NXPH1: variants seen among roughly 807,000 people sequenced by gnomAD.
NXPH1 encodes neurexophilin-1.
In NXPH1, 5 loss-of-function variants were observed where a neutral mutation model predicts 23.7. That is an observed-to-expected ratio of 0.21 (90% CI 0.11 to 0.44). The LOEUF is 0.44. Ranked by LOEUF, NXPH1 falls within the 20% of genes least tolerant of loss-of-function variation. The pLI, the probability that NXPH1 is intolerant of heterozygous loss-of-function variation, is 0.99. For synonymous variants in NXPH1, 144 were observed against 122.2 expected (o/e 1.18, Z -1.18); for missense variants, 324 against 321.6 (o/e 1.01, Z -0.06).
intron 2 of NXPH1, among the ~76,000 whole-genome samples, chr7:8,734,117 T>G (rs905625704): frequency 1.3e-5 from 2 of 152,212 alleles, no homozygotes; most frequent in Admixed American, 1.3e-4. Flanking sequence ...CCAGCACCAT[T>G]TATTAAATAG....
At chr7:8,493,923 A>G (rs1282492484) in intron 2 of NXPH1, among the ~76,000 whole-genome samples, 1 of 152,046 alleles carries the variant, frequency 6.6e-6, no homozygotes, top group African/African-American at 2.4e-5. Flanking sequence ...GGGATATTTT[A>G]TCATGTTTTT....
At chr7:8,436,591 AAGG>A (rs1816200206) in intron 2 of NXPH1, among the ~76,000 whole-genome samples, 1 of 152,154 alleles carries the variant, frequency 6.6e-6, no homozygotes, top group Non-Finnish European at 1.5e-5. Context: ...ATGTTGAGAC[AAGG>A]AGAATGAGAT....
At chr7:8,686,421 A>G (rs1452728412) in intron 2 of NXPH1, among the ~76,000 whole-genome samples, 1 of 152,200 alleles carries the variant, frequency 6.6e-6, no homozygotes, top group Non-Finnish European at 1.5e-5. Flanking sequence ...AACAAATTAC[A>G]TGCAAATAAT....
intron 2 of NXPH1, among the ~76,000 whole-genome samples, chr7:8,616,406 C>A (rs1044677051): frequency 3.3e-5 from 5 of 152,000 alleles, no homozygotes; most frequent in Non-Finnish European, 7.4e-5. Flanking sequence ...TATCACCATC[C>A]CACATTTTAT....
intron 2 of NXPH1, among the ~76,000 whole-genome samples, chr7:8,528,314 G>A (rs1458485890): frequency 6.6e-6 from 1 of 152,222 alleles, no homozygotes; most frequent in Non-Finnish European, 1.5e-5. Flanking sequence ...TCTGGGGGGA[G>A]CCAGAGTGGG....
intron 2 of NXPH1, among the ~76,000 whole-genome samples, chr7:8,691,210 A>G (rs574340478): frequency 1.3e-5 from 2 of 152,066 alleles, no homozygotes; most frequent in East Asian, 3.9e-4. Context: ...CAATGGCGTG[A>G]TCTCAGTCAC....
chr7:8,438,390 A>G (rs979986442), intron 2 of NXPH1, among the ~76,000 whole-genome samples: 1 of 152,258 alleles, frequency 6.6e-6, no homozygotes, highest in Non-Finnish European at 1.5e-5. Context: ...CAAAGAAGGC[A>G]AGAGTGGCAA....
In NXPH1 at chr7:8,726,265, G is replaced by A. The variant is rs547015439; in HGVS notation, c.55-24743G>A. On this transcript the variant is annotated intron_variant, in intron 2 of 2. Coordinates refer to ENST00000405863, the MANE Select transcript of NXPH1 (RefSeq NM_152745.3). ...TTGGAAGGTAAGTCAATCCTTCCTCGTTTGCTTCTTTTTCTTTTTTTTTTT... is the reference window on the plus strand; with the variant it reads ...TTGGAAGGTAAGTCAATCCTTCCTCATTTGCTTCTTTTTCTTTTTTTTTTT... 1.1e-3 allele frequency among the ~76,000 whole-genome samples: 164 copies of A among 147,052 alleles called. 1 individual carries two copies. Among genetic ancestry groups the A allele is most frequent in the East Asian group, 0.01 (51 of 4,958 alleles).
chr7:8,667,388 T>G (rs111742822), intron 2 of NXPH1, among the ~76,000 whole-genome samples: 3,718 of 136,086 alleles, frequency 0.027, 148 homozygotes, highest in African/African-American at 0.086. Flanking sequence ...TTGTTTTGTT[T>G]TGTCTGAAAA....
intron 2 of NXPH1, among the ~76,000 whole-genome samples, chr7:8,668,128 T>G (rs1820807224): frequency 6.6e-6 from 1 of 152,124 alleles, no homozygotes; most frequent in African/African-American, 2.4e-5. Flanking sequence ...CTCTGTATTT[T>G]CTTGAAGTGT....
chr7:8,552,830 C>A (rs1470059265), intron 2 of NXPH1, among the ~76,000 whole-genome samples: 1 of 151,520 alleles, frequency 6.6e-6, no homozygotes, highest in Non-Finnish European at 1.5e-5. Context: ...TAGGAGATTA[C>A]ATCTCAGGAC....
At chr7:8,494,177 A>AT (rs113970682) in intron 2 of NXPH1, among the ~76,000 whole-genome samples, 19,817 of 151,654 alleles carry the variant, frequency 0.13, 1,358 homozygotes, top group Middle Eastern at 0.18. Flanking sequence ...AGATTTCTTG[A>AT]TTTTTCATAG....
chr7:8,507,682 A>G (rs1475610017), intron 2 of NXPH1, among the ~76,000 whole-genome samples: 1 of 152,122 alleles, frequency 6.6e-6, no homozygotes, highest in Non-Finnish European at 1.5e-5. Flanking sequence ...GAGTGCCTCT[A>G]GGGAGTGTTA....
intron 2 of NXPH1, among the ~76,000 whole-genome samples, chr7:8,520,432 C>T (rs1236064304): frequency 6.6e-6 from 1 of 152,180 alleles, no homozygotes; most frequent in Non-Finnish European, 1.5e-5. Flanking sequence ...TTTCTCTCAG[C>T]TCTGGCAATT....
At chr7:8,717,487 G>C (rs1779896385) in intron 2 of NXPH1, among the ~76,000 whole-genome samples, 1 of 152,096 alleles carries the variant, frequency 6.6e-6, no homozygotes, top group Non-Finnish European at 1.5e-5. Flanking sequence ...CCCCTTAGAT[G>C]TATCTAAGAT....
chr7:8,469,643 A>T (rs1170573279), intron 2 of NXPH1, among the ~76,000 whole-genome samples: 2 of 152,124 alleles, frequency 1.3e-5, no homozygotes, highest in Non-Finnish European at 2.9e-5. Context: ...TAACTTCATT[A>T]TGAAGGTTAC....
intron 2 of NXPH1, among the ~76,000 whole-genome samples, chr7:8,551,854 A>G (rs1818281076): frequency 6.6e-6 from 1 of 151,454 alleles, no homozygotes; most frequent in Non-Finnish European, 1.5e-5. Context: ...TTTAGGTTAA[A>G]CAGTCTAATA....
chr7:8,739,658 C>T (rs1024779938), intron 2 of NXPH1, among the ~76,000 whole-genome samples: 2 of 152,076 alleles, frequency 1.3e-5, no homozygotes, highest in Admixed American at 1.3e-4. Flanking sequence ...CATACTGTAC[C>T]TTTTTTCTTT....
chr7:8,507,729 A>C (rs138670448), intron 2 of NXPH1, among the ~76,000 whole-genome samples: 1 of 152,100 alleles, frequency 6.6e-6, no homozygotes, highest in African/African-American at 2.4e-5. Context: ...AAATTAGTAC[A>C]GTTTACCAAC....
Sources: allele counts gnomAD v4.1 joint callset (sites outside exome capture counted in the v4.1 genomes callset), GRCh38; gene constraint gnomAD v4.1.1; transcripts MANE v1.5; gene names NCBI Gene and HGNC (gene_info 2026-07-23, HGNC 2026-07-21).